CETN3: variants seen among roughly 807,000 people sequenced by gnomAD.
CETN3 encodes centrin 3, also known as centrin-3.
CETN3 carries 17 observed loss-of-function variants against 20.1 expected under a neutral mutation model. The observed-to-expected ratio is 0.85, with a 90% CI of 0.58 to 1.27. CETN3 has a LOEUF of 1.27. Among genes scored for constraint, CETN3 ranks in the 50% most tolerant of loss-of-function variants. CETN3 has a pLI of 0.00. For synonymous variants in CETN3, 52 were observed against 59.7 expected, an observed-to-expected ratio of 0.87 and a Z score of 0.59; for missense variants, 169 against 191.2, an observed-to-expected ratio of 0.88 and a Z score of 0.69.
chr5:90,396,523 G>A (rs1241922139), intron 4 of CETN3: 3 of 1,533,602 alleles, frequency 2.0e-6, no homozygotes, highest in African/African-American at 2.7e-5. Flanking sequence ...TTTAGACTGA[G>A]GCATCTAGAC....
In CETN3 at chr5:90,393,016, TG is replaced by T. The variant is rs1422628962; in HGVS notation, c.*1047del. 2 of 152,198 alleles carry T rather than the reference TG, an allele frequency of 1.3e-5. No individual in the cohort carries two copies. Among genetic ancestry groups the T allele is most frequent in the Admixed American group, 1.3e-4 (2 of 15,282 alleles). The allele number at this position is 152,198 out of a possible 1,614,324, so 9.4% of individuals were successfully genotyped here. A position where few individuals can be genotyped will look rare whatever the true frequency, so the allele number is the denominator to read the frequency against. On this transcript the variant is annotated 3_prime_UTR_variant, in exon 5 of 5. Coordinates refer to ENST00000283122, the MANE Select transcript of CETN3 (RefSeq NM_004365.4). ...GAAATAGACAACTCAATTCCGTTCC[TG>T]GGAGAGCCCATAACACCGAGTACTA... is the stretch of plus-strand genomic sequence containing the variant.
intron 2 of CETN3, among the ~76,000 whole-genome samples, chr5:90,406,253 T>C (rs553451260): frequency 7.1e-4 from 108 of 152,134 alleles, no homozygotes; most frequent in African/African-American, 1.9e-3. Context: ...ACCCTGAGTT[T>C]AGAGAAAAAA....
chr5:90,403,637 C>T (rs1258412919), intron 3 of CETN3, among the ~76,000 whole-genome samples: 1 of 151,536 alleles, frequency 6.6e-6, no homozygotes, highest in African/African-American at 2.4e-5. Context: ...TTTGGGAGGC[C>T]GAGGCGGGCG....
At chr5:90,402,066 G>T (rs917081109) in intron 3 of CETN3, among the ~76,000 whole-genome samples, 3 of 152,066 alleles carry the variant, frequency 2.0e-5, no homozygotes, top group Non-Finnish European at 4.4e-5. Context: ...TGCCCCAGCT[G>T]GTCTCAAACT....
chr5:90,398,974 T>C (rs1320367450), intron 4 of CETN3: 2 of 327,840 alleles, frequency 6.1e-6, no homozygotes, highest in Non-Finnish European at 1.1e-5. Flanking sequence ...ATAACATTCC[T>C]AACTAGAAAT....
rs78359540 is a variant in CETN3, at chr5:90,405,134, C to T, written c.268+551G>A. 2.6e-3 allele frequency among the ~76,000 whole-genome samples: 400 copies of T among 152,262 alleles called. 1 individual carries two copies. The highest frequency in any genetic ancestry group is 9.3e-3 in the African/African-American group (387 of 41,560). On this transcript the variant is annotated intron_variant, in intron 3 of 4. Transcript: ENST00000283122. ...ATGCCCACTGCCTCCTTTACTACTACCCTCTAAACAGATGACTTTATCCAC... is the reference window on the plus strand; with the variant it reads ...ATGCCCACTGCCTCCTTTACTACTATCCTCTAAACAGATGACTTTATCCAC...
At chr5:90,407,440 G>GA (rs993263508) in intron 2 of CETN3, among the ~76,000 whole-genome samples, 1 of 152,002 alleles carries the variant, frequency 6.6e-6, no homozygotes, top group South Asian at 2.1e-4. Flanking sequence ...TTATGACAGT[G>GA]AAAAATAAGC....
chr5:90,408,538 T>C (rs1004095506), intron 1 of CETN3, among the ~76,000 whole-genome samples: 1 of 152,186 alleles, frequency 6.6e-6, no homozygotes, highest in Non-Finnish European at 1.5e-5. Flanking sequence ...TCTTGTCTCA[T>C]TTAACATGTA....
chr5:90,394,234 T>A, intron 4 of CETN3, 127 bp from the exon 5 acceptor site: 1 of 570,770 alleles, frequency 1.8e-6, no homozygotes, highest in Non-Finnish European at 3.0e-6. Context: ...CATTAAGACA[T>A]GGCTTTTTGC....
Position 90,399,364 on chromosome 5 carries a change from C to T in CETN3, c.454G>A (p.Gly152Arg), listed in dbSNP as rs1243733074. ...CGTTTCACTTAAAACTTACTTTCTC[C>T]ATCACCATCTTTGTCAAATTCTTCT... ...MIEEFDKDGDGEINQEEFIAI... is the reference protein window; with the variant it reads ...MIEEFDKDGDREINQEEFIAI... Residue 152 changes from glycine (G) to arginine (R), a missense_variant, in exon 4 of 5, where the codon GGA (glycine) becomes AGA (arginine). Physicochemically the swap from Gly to Arg is moderately radical, Grantham distance 125 (BLOSUM62 -2). Coordinates refer to ENST00000283122, the MANE Select transcript of CETN3 (RefSeq NM_004365.4). The T allele has an allele frequency of 1.2e-6, 2 of 1,613,866 alleles. No individual in the cohort carries two copies. Among genetic ancestry groups the T allele is most frequent in the South Asian group, 2.2e-5 (2 of 91,076 alleles).
intron 4 of CETN3, among the ~76,000 whole-genome samples, chr5:90,398,373 C>CA (rs1278270711): frequency 6.6e-6 from 1 of 152,094 alleles, no homozygotes; most frequent in Non-Finnish European, 1.5e-5. Context: ...AGTATCAAAA[C>CA]AATTTGTTTC....
rs560493431 is a variant in CETN3 at position 90,405,441 on chromosome 5, T to G, written c.268+244A>C. On this transcript the variant is annotated intron_variant, in intron 3 of 4. Transcript: ENST00000283122. The stretch of plus-strand genomic sequence containing the variant: ...GGAAAAGCATCTTTCTATAAAAAGC[T>G]ACACAATAGTTCCTTGGTTAGAATC... 3.2e-5 allele frequency: 15 copies of G among 461,790 alleles called. 1 individual carries two copies. The highest frequency in any genetic ancestry group is 5.5e-4 in the Middle Eastern group (1 of 1,814). 28.6% of individuals were successfully genotyped at this position (461,790 alleles called of 1,614,324 possible).
intron 3 of CETN3, among the ~76,000 whole-genome samples, chr5:90,403,073 C>T (rs1749342275): frequency 6.6e-6 from 1 of 152,230 alleles, no homozygotes; most frequent in Non-Finnish European, 1.5e-5. Context: ...ATGTTACTCA[C>T]TAGCCTCAGG....
chr5:90,406,101 T>C (rs954441134), intron 2 of CETN3, among the ~76,000 whole-genome samples: 2 of 152,126 alleles, frequency 1.3e-5, no homozygotes, highest in Non-Finnish European at 2.9e-5. Flanking sequence ...TGTTATTTGT[T>C]CTGAAGGGAT....
chr5:90,399,414 C>T lies in CETN3; in HGVS notation c.404G>A (p.Ser135Asn). Reference sequence around the variant, plus strand: ...TATCATAGCTCGAAGTTCTTCATCACTCATGTTTTCACCCAATTCTCTAGC... The same window carrying T: ...TATCATAGCTCGAAGTTCTTCATCATTCATGTTTTCACCCAATTCTCTAGC... Reference protein sequence around the residue: ...RVARELGENMSDEELRAMIEE... With the variant: ...RVARELGENMNDEELRAMIEE... The change falls in exon 4 of 5, where the codon AGT (serine) becomes AAT (asparagine). Residue 135 changes from serine to asparagine, a missense_variant. Coordinates refer to ENST00000283122, the MANE Select transcript of CETN3 (RefSeq NM_004365.4). 2.5e-6 allele frequency: 4 copies of T among 1,613,998 alleles called. No individual in the cohort carries two copies. Among genetic ancestry groups the T allele is most frequent in the Non-Finnish European group, 3.4e-6 (4 of 1,179,954 alleles).
chr5:90,395,224 C>G (rs1180726403), intron 4 of CETN3, among the ~76,000 whole-genome samples: 3 of 152,038 alleles, frequency 2.0e-5, no homozygotes, highest in Admixed American at 1.3e-4. Context: ...TAGTGAATGC[C>G]AACACCACAA....
chr5:90,407,038 CACTT>C (rs1749470804), intron 2 of CETN3, among the ~76,000 whole-genome samples: 1 of 151,980 alleles, frequency 6.6e-6, no homozygotes, highest in African/African-American at 2.4e-5. Context: ...ACCAAATAAA[CACTT>C]ACATTCACCT....
intron 4 of CETN3, among the ~76,000 whole-genome samples, chr5:90,394,521 A>T (rs1197621413): frequency 6.6e-6 from 1 of 151,992 alleles, no homozygotes; most frequent in Non-Finnish European, 1.5e-5. Flanking sequence ...AAGCTTGAAC[A>T]TATCATGCAT....
chr5:90,392,969 AGAATT>A lies in CETN3; in HGVS notation c.*1090_*1094del, dbSNP rs758367624. On this transcript the variant is annotated 3_prime_UTR_variant, in exon 5 of 5. Coordinates refer to ENST00000283122, the MANE Select transcript of CETN3 (RefSeq NM_004365.4). ...ACTTTAAACTTAAAAATTTAAAACAAGAATTCTAAAGAAAGATTGCTGAAATAGAC... is the reference window on the plus strand; with the variant it reads ...ACTTTAAACTTAAAAATTTAAAACAACTAAAGAAAGATTGCTGAAATAGAC... 2 of 152,242 alleles carry A rather than the reference AGAATT, an allele frequency of 1.3e-5. No homozygotes were observed. Among genetic ancestry groups the A allele is most frequent in the Non-Finnish European group, 2.9e-5 (2 of 68,046 alleles). The allele number at this position is 152,242 out of a possible 1,614,324, so 9.4% of individuals were successfully genotyped here. A position where few individuals can be genotyped will look rare whatever the true frequency, so the allele number is the denominator to read the frequency against.
Sources: allele counts gnomAD v4.1 joint callset (sites outside exome capture counted in the v4.1 genomes callset), GRCh38; gene constraint gnomAD v4.1.1; transcripts MANE v1.5; gene names NCBI Gene and HGNC (gene_info 2026-07-23, HGNC 2026-07-21).